The following BIRC6 variants were observed in gnomAD, a reference collection of about 807,000 sequenced individuals.
BIRC6 encodes the protein baculoviral IAP repeat containing 6.
BIRC6 carries 98 observed loss-of-function variants against 503.3 expected under a neutral mutation model. That is an observed-to-expected ratio of 0.19 (90% CI 0.17 to 0.23). The LOEUF (loss-of-function observed/expected upper bound fraction) is 0.23. Among genes scored for constraint, BIRC6 ranks in the 10% least tolerant of loss-of-function variants. The probability of loss-of-function intolerance (pLI) is 1.00; values close to 1 mark genes in which losing one functional copy is unlikely to be tolerated. For synonymous variants in BIRC6, 2,240 were observed against 2,078.7 expected (o/e 1.08, Z -2.11); for missense variants, 5,360 against 5,806.0 (o/e 0.92, Z 2.50).
At chr2:32,547,426 A>G (rs1301140014) in intron 63 of BIRC6, among the ~76,000 whole-genome samples, 2 of 151,990 alleles carry the variant, frequency 1.3e-5, no homozygotes, top group Non-Finnish European at 2.9e-5. Flanking sequence ...GCATTTACCT[A>G]TTTTGGATAT....
In BIRC6 at chr2:32,468,542, G is replaced by C; in HGVS notation, c.5886G>C (p.Lys1962Asn). Residue 1962 changes from lysine to asparagine, a missense_variant, in exon 29 of 74, where the codon AAG (lysine) becomes AAC (asparagine). By Grantham distance (94) the Lys-to-Asn change is moderately conservative. Transcript: ENST00000421745. ...AGTACTTTTTACGAAAACCAGATAA[G>C]GCAGTTGAGGAAGACAGTAGGGTTT... is the stretch of plus-strand genomic sequence containing the variant. ...NAQYFLRKPD[K>N]AVEEDSRVFS... 6.2e-7 allele frequency: 1 copy of C among 1,613,950 alleles called. No individual in the cohort carries two copies. Among genetic ancestry groups the C allele is most frequent in the African/African-American group, 1.3e-5 (1 of 75,038 alleles).
At chr2:32,401,661 A>G (rs762506703) in intron 8 of BIRC6, 38 bp downstream of exon 8, 6 of 1,538,872 alleles carry the variant, frequency 3.9e-6, no homozygotes, top group Non-Finnish European at 5.3e-6. Flanking sequence ...AATAGATGTT[A>G]CATGTTTTCC....
At chr2:32,542,054 A>T (rs1050451272) in intron 61 of BIRC6, among the ~76,000 whole-genome samples, 1 of 151,844 alleles carries the variant, frequency 6.6e-6, no homozygotes, top group Non-Finnish European at 1.5e-5. Context: ...TGCTATCTTT[A>T]TTTATCTTTC....
rs2033310140 is a variant in BIRC6, at chr2:32,357,661, T to C, written c.325+175T>C. The stretch of plus-strand genomic sequence containing the variant: ...GGAGGGGGACCTTAGGACTTGGCTT[T>C]TTCAGCGGCTGCAGTTGGGAGGAAA... On this transcript the variant is annotated intron_variant, in intron 1 of 73. Coordinates refer to ENST00000421745, the MANE Select transcript of BIRC6 (RefSeq NM_016252.4). This position sits in a 1 kb window ranked among gnomAD's most constrained non-coding sequence, Gnocchi z 4.9. Among the ~76,000 whole-genome samples the C allele has an allele frequency of 6.6e-6, 1 of 152,072 alleles. No homozygotes were observed. Among genetic ancestry groups the C allele is most frequent in the Non-Finnish European group, 1.5e-5 (1 of 68,006 alleles).
intron 66 of BIRC6, among the ~76,000 whole-genome samples, chr2:32,583,069 T>G (rs2060790778): frequency 6.6e-6 from 1 of 152,230 alleles, no homozygotes; most frequent in Non-Finnish European, 1.5e-5. Flanking sequence ...ATAATTACAG[T>G]ACTCTGATGG....
At chr2:32,365,310 A>G (rs925999091) in intron 1 of BIRC6, among the ~76,000 whole-genome samples, 1 of 147,164 alleles carries the variant, frequency 6.8e-6, no homozygotes, top group African/African-American at 2.5e-5. Flanking sequence ...CTCACCATAA[A>G]CAGTCAATAA....
At chr2:32,550,463 T>C (rs1387549874) in intron 65 of BIRC6, among the ~76,000 whole-genome samples, 1 of 152,190 alleles carries the variant, frequency 6.6e-6, no homozygotes, top group African/African-American at 2.4e-5. Context: ...TTTGTTTAGA[T>C]TGACCTGTTT....
intron 57 of BIRC6, 142 bp from the exon 58 acceptor site, chr2:32,524,746 C>A: frequency 2.0e-6 from 1 of 500,642 alleles, no homozygotes; most frequent in Non-Finnish European, 3.1e-6. Flanking sequence ...GCCTTTACCT[C>A]ATGCCATTTC....
rs768421682 is a variant in BIRC6, at chr2:32,503,008, G to A, written c.9305-34G>A. On this transcript the variant is annotated intron_variant, in intron 48 of 73. Transcript: ENST00000421745. ...TTTGATGTTGAACCATCTGTCCTGAGATCGATTTCATTTCATATTCTTTAT... is the reference window on the plus strand; with the variant it reads ...TTTGATGTTGAACCATCTGTCCTGAAATCGATTTCATTTCATATTCTTTAT... The A allele has an allele frequency of 9.8e-6, 15 of 1,536,558 alleles. No individual in the cohort carries two copies. The Admixed American group carries it at 2.1e-4, about 21-fold the overall frequency.
At chr2:32,572,058 T>C (rs950938850) in intron 65 of BIRC6, among the ~76,000 whole-genome samples, 4 of 152,242 alleles carry the variant, frequency 2.6e-5, no homozygotes, top group African/African-American at 9.6e-5. Context: ...TATTGTTTTC[T>C]AGCTTTATTC....
At chr2:32,450,232 A>C (rs1001713146) in intron 22 of BIRC6, among the ~76,000 whole-genome samples, 29 of 152,186 alleles carry the variant, frequency 1.9e-4, no homozygotes. Flanking sequence ...TAATCCCAGC[A>C]CTTTGGGAGG....
At position 32,575,236 on chromosome 2, in the gene BIRC6, G is replaced by T; in HGVS notation, c.13225G>T (p.Val4409Leu). 6.2e-7 allele frequency: 1 copy of T among 1,613,960 alleles called. No individual in the cohort carries two copies. The highest frequency in any genetic ancestry group is 8.5e-7 in the Non-Finnish European group (1 of 1,179,894). Residue 4409 changes from valine (V) to leucine (L), a missense_variant, in exon 66 of 74, where the codon GTG becomes TTG. Physicochemically the swap from Val to Leu is conservative, Grantham distance 32 (BLOSUM62 1). Coordinates refer to ENST00000421745, the MANE Select transcript of BIRC6 (RefSeq NM_016252.4). ...GGCCATTGCTTCTTGTGCTGCCATGGTGCCCCTATTGTTGCCCCTTTCTAC... is the reference window on the plus strand; with the variant it reads ...GGCCATTGCTTCTTGTGCTGCCATGTTGCCCCTATTGTTGCCCCTTTCTAC... ...LRAIASCAAM[V>L]PLLLPLSTEN...
chr2:32,598,834 C>A, intron 69 of BIRC6, among the ~76,000 whole-genome samples: 1 of 151,268 alleles, frequency 6.6e-6, no homozygotes, highest in East Asian at 2.0e-4. Flanking sequence ...ACCAGCCTGG[C>A]CAACATGGTG....
At chr2:32,502,968 T>C (rs1459768799) in intron 48 of BIRC6, 74 bp from the exon 49 acceptor site, 1 of 1,514,092 alleles carries the variant, frequency 6.6e-7, no homozygotes, top group Non-Finnish European at 9.0e-7. Flanking sequence ...TTGTAGTCTT[T>C]TGTGGAAGTT....
rs186258937 is a variant in BIRC6 at position 32,469,332 on chromosome 2, C to T, written c.6128-63C>T. 454 of 1,196,920 alleles carry T rather than the reference C, an allele frequency of 3.8e-4. 1 individual carries two copies. The African/African-American group carries it at 5.3e-3, about 14-fold the overall frequency. 74.1% of individuals were successfully genotyped at this position (1,196,920 alleles called of 1,614,324 possible). A position where few individuals can be genotyped will look rare whatever the true frequency, so the allele number is the denominator to read the frequency against. On this transcript the variant is annotated intron_variant, in intron 29 of 73. Coordinates refer to ENST00000421745, the MANE Select transcript of BIRC6 (RefSeq NM_016252.4). ...AAAGAGGAAAGTGTATTTAGGCATG[C>T]GTATTTTAATATTATACAATACATT...
At chr2:32,578,230 C>T (rs1227746473) in intron 66 of BIRC6, among the ~76,000 whole-genome samples, 1 of 152,068 alleles carries the variant, frequency 6.6e-6, no homozygotes, top group Non-Finnish European at 1.5e-5. Context: ...CCAGTTGTCA[C>T]AACTTAAGAT....
At chr2:32,408,294 T>C (rs998583376) in intron 9 of BIRC6, among the ~76,000 whole-genome samples, 3 of 151,908 alleles carry the variant, frequency 2.0e-5, no homozygotes, top group African/African-American at 7.3e-5. Flanking sequence ...TTTGTTTTTT[T>C]GAGACGGAGT....
intron 70 of BIRC6, among the ~76,000 whole-genome samples, chr2:32,600,795 A>C (rs1297643935): frequency 6.6e-6 from 1 of 152,174 alleles, no homozygotes; most frequent in African/African-American, 2.4e-5. Flanking sequence ...ACTTATTTTT[A>C]AAGTTTACAC....
At chr2:32,567,612 G>C (rs2059621382) in intron 65 of BIRC6, among the ~76,000 whole-genome samples, 1 of 152,212 alleles carries the variant, frequency 6.6e-6, no homozygotes, top group South Asian at 2.1e-4. Flanking sequence ...AAGCACTAAA[G>C]CTAAATGTAC....
Sources: allele counts gnomAD v4.1 joint callset (sites outside exome capture counted in the v4.1 genomes callset), GRCh38; gene constraint gnomAD v4.1.1; non-coding constraint Gnocchi (gnomAD v3.1); transcripts MANE v1.5; gene names NCBI Gene and HGNC (gene_info 2026-07-23, HGNC 2026-07-21).